TASP1: variants seen among roughly 807,000 people sequenced by gnomAD.
TASP1 encodes the protein taspase 1, also known as threonine aspartase 1.
A neutral mutation model predicts 56.6 loss-of-function variants in TASP1; 16 were observed. The observed-to-expected ratio is 0.28, with a 90% CI of 0.19 to 0.43. TASP1 has a LOEUF of 0.43. TASP1 is among the 20% of genes least tolerant of loss of function. TASP1 has a pLI of 1.00. For synonymous variants in TASP1, 179 were observed against 184.2 expected, an observed-to-expected ratio of 0.97 and a Z score of 0.23; for missense variants, 393 against 511.6, an observed-to-expected ratio of 0.77 and a Z score of 2.24.
the TASP1 span, chr20:13,279,774 C>T: frequency 8.7e-6 from 14 of 1,614,016 alleles, no homozygotes; most frequent in East Asian, 2.2e-4. Context: ...GGGCAAACAG[C>T]GGGGACCAGG....
intron 6 of TASP1, among the ~76,000 whole-genome samples, chr20:13,572,861 G>A (rs1303822373): frequency 6.6e-6 from 1 of 152,046 alleles, no homozygotes; most frequent in Non-Finnish European, 1.5e-5. Context: ...CATTTTCAAA[G>A]AATCATGACT....
intron 13 of TASP1, among the ~76,000 whole-genome samples, chr20:13,411,086 G>C (rs143693243): frequency 6.6e-6 from 1 of 152,068 alleles, no homozygotes; most frequent in Admixed American, 6.6e-5. Context: ...TGAAGAGGGC[G>C]TCCCTTCCCC....
intron 8 of TASP1, among the ~76,000 whole-genome samples, chr20:13,556,094 C>T (rs1042970898): frequency 2.0e-5 from 3 of 152,170 alleles, no homozygotes; most frequent in South Asian, 2.1e-4. Context: ...CCACTGCCTA[C>T]TTCTACCACC....
In TASP1 at chr20:13,497,946, A is replaced by T. The variant is rs187243128; in HGVS notation, c.875-14609T>A. On this transcript the variant is annotated intron_variant, in intron 10 of 13. Transcript: ENST00000337743. Reference sequence around the variant, plus strand: ...CTGGTTAGCCATACACAGAAGAATGAAATTGGACCCCTACCTTTCACCATA... The same window carrying T: ...CTGGTTAGCCATACACAGAAGAATGTAATTGGACCCCTACCTTTCACCATA... 4.3e-3 allele frequency among the ~76,000 whole-genome samples: 660 copies of T among 152,338 alleles called. 4 individuals are homozygous for T. Among genetic ancestry groups the T allele is most frequent in the Non-Finnish European group, 7.0e-3 (477 of 68,026 alleles).
the TASP1 span, among the ~76,000 whole-genome samples, chr20:13,184,049 A>G: frequency 2.0e-5 from 3 of 151,830 alleles, no homozygotes; most frequent in Non-Finnish European, 4.4e-5. Flanking sequence ...AAAAAAAGAA[A>G]GAAAGAAAGT....
At chr20:13,351,134 C>T in the TASP1 span, among the ~76,000 whole-genome samples, 135 of 152,196 alleles carry the variant, frequency 8.9e-4, no homozygotes, top group Non-Finnish European at 1.2e-3. Flanking sequence ...CAATAAGATA[C>T]CACTAGACAC....
At chr20:13,585,154 T>C (rs555154748) in intron 5 of TASP1, among the ~76,000 whole-genome samples, 4 of 152,220 alleles carry the variant, frequency 2.6e-5, no homozygotes, top group South Asian at 4.1e-4. Flanking sequence ...TGGATATCCA[T>C]ATGAGGAAAA....
At chr20:13,572,855 T>G (rs2046767969) in intron 6 of TASP1, among the ~76,000 whole-genome samples, 1 of 152,164 alleles carries the variant, frequency 6.6e-6, no homozygotes, top group Non-Finnish European at 1.5e-5. Flanking sequence ...ACCTCCCATT[T>G]TCAAAGAATC....
chr20:13,379,924 G>A, the TASP1 span, among the ~76,000 whole-genome samples: 6 of 152,132 alleles, frequency 3.9e-5, no homozygotes, highest in East Asian at 1.9e-4. Context: ...AGCTCCATCC[G>A]GTCATTTATG....
chr20:13,575,768 A>G (rs1334146544), intron 6 of TASP1, among the ~76,000 whole-genome samples: 1 of 152,198 alleles, frequency 6.6e-6, no homozygotes, highest in African/African-American at 2.4e-5. Context: ...ATCACAAAGA[A>G]GGGAATGATG....
chr20:13,145,223 T>C, the TASP1 span, among the ~76,000 whole-genome samples: 1 of 152,146 alleles, frequency 6.6e-6, no homozygotes, highest in Non-Finnish European at 1.5e-5. Flanking sequence ...AACATGATTA[T>C]ATATATCTAG....
chr20:13,488,419 G>C (rs1401349383), intron 10 of TASP1, among the ~76,000 whole-genome samples: 1 of 151,976 alleles, frequency 6.6e-6, no homozygotes, highest in Non-Finnish European at 1.5e-5. Flanking sequence ...AAGATGCTAT[G>C]GCAAAAAAAA....
At chr20:13,280,900 A>C in the TASP1 span, among the ~76,000 whole-genome samples, 1 of 152,206 alleles carries the variant, frequency 6.6e-6, no homozygotes, top group Non-Finnish European at 1.5e-5. Context: ...TTACAAATGC[A>C]CCCATCGTCA....
chr20:13,631,732 A>G (rs2049092901), intron 1 of TASP1, among the ~76,000 whole-genome samples: 1 of 152,222 alleles, frequency 6.6e-6, no homozygotes, highest in South Asian at 2.1e-4. Context: ...GTCATCTGAG[A>G]TATTTTTTCA....
At chr20:13,413,272 G>C (rs879821547) in intron 13 of TASP1, among the ~76,000 whole-genome samples, 1 of 152,138 alleles carries the variant, frequency 6.6e-6, no homozygotes, top group Non-Finnish European at 1.5e-5. Flanking sequence ...GGGAAATATG[G>C]TATGGGCAAC....
the TASP1 span, among the ~76,000 whole-genome samples, chr20:13,375,888 T>C: frequency 6.6e-6 from 1 of 152,212 alleles, no homozygotes; most frequent in African/African-American, 2.4e-5. Flanking sequence ...TTTTAAGAAG[T>C]GTCTGTTCAT....
intron 5 of TASP1, among the ~76,000 whole-genome samples, chr20:13,586,588 G>A (rs932091151): frequency 8.5e-5 from 13 of 152,108 alleles, no homozygotes; most frequent in African/African-American, 3.1e-4. Flanking sequence ...ACATGGAAAT[G>A]TTTAATGTCT....
intron 10 of TASP1, among the ~76,000 whole-genome samples, chr20:13,501,483 A>G (rs1568516515): frequency 1.3e-5 from 2 of 152,054 alleles, no homozygotes; most frequent in Non-Finnish European, 2.9e-5. Context: ...TTGCATTGTC[A>G]TAAAGTAACA....
At chr20:13,331,083 T>C in the TASP1 span, among the ~76,000 whole-genome samples, 8 of 152,292 alleles carry the variant, frequency 5.3e-5, no homozygotes, top group South Asian at 1.4e-3. Flanking sequence ...TGTTTTAAGG[T>C]TGGAGCTTAG....
Sources: gnomAD v4.1 joint callset for allele counts (sites outside exome capture counted in the v4.1 genomes callset) on GRCh38, gnomAD v4.1.1 for gene constraint, MANE v1.5 for transcripts, NCBI Gene and HGNC (gene_info 2026-07-23, HGNC 2026-07-21) for gene names.